Variants in CCSER2 observed in about 807,000 individuals in gnomAD.
CCSER2 encodes the protein serine-rich coiled-coil domain-containing protein 2.
A neutral mutation model predicts 92.3 loss-of-function variants in CCSER2; 46 were observed. The observed-to-expected ratio is 0.50, with a 90% CI of 0.39 to 0.64. CCSER2 has a LOEUF of 0.64. CCSER2 is among the 30% of genes least tolerant of loss of function. The pLI, the probability that CCSER2 is intolerant of heterozygous loss-of-function variation, is 0.00. For synonymous variants in CCSER2, 433 were observed against 431.4 expected (o/e 1.00, Z -0.04); for missense variants, 1,244 against 1,238.9 (o/e 1.00, Z -0.06).
At chr10:84,413,106 A>AT (rs200646710) in intron 3 of CCSER2, among the ~76,000 whole-genome samples, 13,969 of 133,382 alleles carry the variant, frequency 0.1, 830 homozygotes, top group East Asian at 0.19. Flanking sequence ...GGATTCATTG[A>AT]TTTTTTTTTT....
rs3044062 is a variant in CCSER2, at chr10:84,506,141, T to TAAA, written c.2326-7297_2326-7295dup. On this transcript the variant is annotated intron_variant, in intron 9 of 9. Coordinates refer to ENST00000372088, the MANE Select transcript of CCSER2 (RefSeq NM_001284240.2). ...AGTCCCTCTTAATCACTTTGATACT[T>TAAA]AAAAAAAAAAAAACCAAACCCGTTA... Among the ~76,000 whole-genome samples, 608 of 145,906 alleles carry TAAA rather than the reference T, an allele frequency of 4.2e-3. 10 individuals are homozygous for TAAA. Among genetic ancestry groups the TAAA allele is most frequent in the Non-Finnish European group, 2.0e-3 (135 of 66,718 alleles).
chr10:84,349,117 G>A (rs894179881), intron 1 of CCSER2, among the ~76,000 whole-genome samples: 4 of 151,966 alleles, frequency 2.6e-5, no homozygotes. Context: ...TTTTTAAAGA[G>A]CAAAGAATGA....
intron 3 of CCSER2, among the ~76,000 whole-genome samples, chr10:84,386,690 C>T (rs1021982957): frequency 6.6e-6 from 1 of 152,234 alleles, no homozygotes; most frequent in Non-Finnish European, 1.5e-5. Flanking sequence ...GAGATTATGT[C>T]ACTGCACTCC....
intron 6 of CCSER2, among the ~76,000 whole-genome samples, chr10:84,458,624 A>G (rs796339687): frequency 3.9e-5 from 6 of 152,318 alleles, no homozygotes; most frequent in African/African-American, 1.4e-4. Context: ...TTGGAAGAGA[A>G]TTGATATCTC....
chr10:84,437,160 G>C (rs868087500), intron 5 of CCSER2, among the ~76,000 whole-genome samples: 85 of 146,108 alleles, frequency 5.8e-4, no homozygotes, highest in East Asian at 1.4e-3. Context: ...CAGAGAGAGA[G>C]AGAGAGAGAG....
At chr10:84,491,639 AC>A in intron 9 of CCSER2, among the ~76,000 whole-genome samples, 1 of 152,114 alleles carries the variant, frequency 6.6e-6, no homozygotes, top group East Asian at 1.9e-4. Flanking sequence ...TCCGTCTGTC[AC>A]CCCTTCCCTT....
At chr10:84,338,993 T>C (rs980006654) in intron 1 of CCSER2, among the ~76,000 whole-genome samples, 2 of 152,202 alleles carry the variant, frequency 1.3e-5, no homozygotes, top group African/African-American at 4.8e-5. Flanking sequence ...CCTTAGCCAC[T>C]GATCCATGCC....
chr10:84,391,090 C>T, intron 3 of CCSER2: 3 of 780,350 alleles, frequency 3.8e-6, no homozygotes, highest in African/African-American at 3.4e-5. Flanking sequence ...GCTAATGCCT[C>T]CACTGACCCA....
At chr10:84,352,749 C>G (rs1844933663) in intron 1 of CCSER2, among the ~76,000 whole-genome samples, 1 of 151,880 alleles carries the variant, frequency 6.6e-6, no homozygotes, top group African/African-American at 2.4e-5. Flanking sequence ...AATAAATATA[C>G]CTATCTAGTA....
chr10:84,391,008 G>A (rs1841488282), intron 3 of CCSER2: 3 of 773,456 alleles, frequency 3.9e-6, no homozygotes, highest in Non-Finnish European at 7.3e-6. Flanking sequence ...ACCTGCTCGT[G>A]CTTTACAATG....
chr10:84,407,237 A>G (rs1447465271), intron 3 of CCSER2, among the ~76,000 whole-genome samples: 1 of 152,214 alleles, frequency 6.6e-6, no homozygotes, highest in Non-Finnish European at 1.5e-5. Context: ...GTATTCTTTT[A>G]CATTCTACCA....
chr10:84,468,923 A>G (rs1846616243), intron 7 of CCSER2, among the ~76,000 whole-genome samples: 1 of 152,182 alleles, frequency 6.6e-6, no homozygotes, highest in Admixed American at 6.5e-5. Flanking sequence ...AGTCTGGTTA[A>G]TTACATTGGG....
intron 1 of CCSER2, among the ~76,000 whole-genome samples, chr10:84,358,997 G>C (rs1845353281): frequency 1.3e-5 from 2 of 152,102 alleles, no homozygotes; most frequent in Admixed American, 6.6e-5. Flanking sequence ...GGCATTTACT[G>C]TCTCCTGGTC....
At chr10:84,469,858 A>G (rs1472397733) in intron 7 of CCSER2, among the ~76,000 whole-genome samples, 1 of 152,006 alleles carries the variant, frequency 6.6e-6, no homozygotes, top group East Asian at 1.9e-4. Flanking sequence ...CCCTTCAGGC[A>G]CATTTATCTT....
At chr10:84,444,801 T>G (rs1844806977) in intron 6 of CCSER2, among the ~76,000 whole-genome samples, 1 of 152,236 alleles carries the variant, frequency 6.6e-6, no homozygotes, top group Admixed American at 6.5e-5. Flanking sequence ...ATATTTGGCC[T>G]TTGATCTTTT....
intron 1 of CCSER2, among the ~76,000 whole-genome samples, chr10:84,337,622 C>G (rs1201690086): frequency 6.6e-6 from 1 of 152,146 alleles, no homozygotes; most frequent in Admixed American, 6.5e-5. Context: ...GATGTCCAGT[C>G]AAGGAATTGT....
Position 84,391,646 on chromosome 10 carries a change from A to G in CCSER2, c.1614+17831A>G, listed in dbSNP as rs1169321301. ...GGTGTTGCACTAGCTTGTAGAAATC[A>G]TTAACAGACCCAACACACCAAAGAC... On this transcript the variant is annotated intron_variant, in intron 3 of 9. Transcript: ENST00000372088. The G allele has an allele frequency of 3.3e-6, 5 of 1,538,110 alleles. No homozygotes were observed. The East Asian group carries it at 9.0e-5, about 28-fold the overall frequency.
intron 9 of CCSER2, among the ~76,000 whole-genome samples, chr10:84,484,538 GC>G (rs1338586078): frequency 6.6e-6 from 1 of 151,444 alleles, no homozygotes; most frequent in Non-Finnish European, 1.5e-5. Context: ...TTACTTCTTT[GC>G]TAAGGCCTTT....
chr10:84,408,872 G>A (rs1482565811), intron 3 of CCSER2, among the ~76,000 whole-genome samples: 1 of 152,118 alleles, frequency 6.6e-6, no homozygotes, highest in Non-Finnish European at 1.5e-5. Flanking sequence ...TTCTTGAGAG[G>A]ATATGATTTT....
Sources: gnomAD v4.1 joint callset for allele counts (sites outside exome capture counted in the v4.1 genomes callset) on GRCh38, gnomAD v4.1.1 for gene constraint, MANE v1.5 for transcripts, NCBI Gene and HGNC (gene_info 2026-07-23, HGNC 2026-07-21) for gene names.